GPR39: variants seen among roughly 807,000 people sequenced by gnomAD.
GPR39 encodes the protein zinc sensing receptor.
Under a neutral mutation model 18.4 loss-of-function variants are expected in GPR39, and 23 were observed. The ratio of observed to expected loss-of-function variants is 1.25; its 90% CI spans 0.90 to 1.77. The LOEUF (loss-of-function observed/expected upper bound fraction) is 1.77, where lower values mean the gene tolerates loss of function less well. Among genes scored for constraint, GPR39 ranks in the 40% most tolerant of loss-of-function variants. The probability of loss-of-function intolerance (pLI) is 0.00; values close to 1 mark genes in which losing one functional copy is unlikely to be tolerated. For synonymous variants in GPR39, 280 were observed against 257.9 expected (o/e 1.09, Z -0.82); for missense variants, 647 against 602.4 (o/e 1.07, Z -0.78).
In GPR39 at chr2:132,532,833, A is replaced by G. The variant is rs557419977; in HGVS notation, c.857-112268A>G. Among the ~76,000 whole-genome samples, 11 of 152,362 alleles carry G rather than the reference A, an allele frequency of 7.2e-5. No individual in the cohort carries two copies. The East Asian group carries it at 1.9e-3, about 27-fold the overall frequency. The stretch of plus-strand genomic sequence containing the variant: ...AAAACCCTCAATAAATTAGGTATTG[A>G]TGGGACACATCTCAAAATAATAAGA... On this transcript the variant is annotated intron_variant, in intron 1 of 1. Coordinates refer to ENST00000329321, the MANE Select transcript of GPR39 (RefSeq NM_001508.3).
intron 1 of GPR39, among the ~76,000 whole-genome samples, chr2:132,425,068 A>G (rs1433140424): frequency 2.6e-5 from 4 of 152,174 alleles, no homozygotes; most frequent in African/African-American, 9.7e-5. Context: ...CTATTGCTCA[A>G]TGGTCTATTC....
intron 1 of GPR39, among the ~76,000 whole-genome samples, chr2:132,544,807 G>A (rs1679914136): frequency 6.6e-6 from 1 of 152,130 alleles, no homozygotes; most frequent in South Asian, 2.1e-4. Context: ...ACCTGAAGTT[G>A]GGTGGTCTGT....
intron 1 of GPR39, among the ~76,000 whole-genome samples, chr2:132,456,457 T>G (rs994843108): frequency 6.6e-6 from 1 of 152,222 alleles, no homozygotes; most frequent in African/African-American, 2.4e-5. Flanking sequence ...GTCTTTTAAT[T>G]GGGGCATTTG....
In GPR39 at chr2:132,438,742, C is replaced by G. The variant is rs147173046; in HGVS notation, c.856+20844C>G. ...GTCTCAAAGTATACAATCCTTGTTTCAAGTTGAAGGTCTTCCTTAGTTCTG... is the reference window on the plus strand; with the variant it reads ...GTCTCAAAGTATACAATCCTTGTTTGAAGTTGAAGGTCTTCCTTAGTTCTG... On this transcript the variant is annotated intron_variant, in intron 1 of 1. Coordinates refer to ENST00000329321, the MANE Select transcript of GPR39 (RefSeq NM_001508.3). Among the ~76,000 whole-genome samples the G allele has an allele frequency of 2.4e-3, 367 of 152,182 alleles. 3 individuals carry two copies. The highest frequency in any genetic ancestry group is 3.6e-3 in the African/African-American group (149 of 41,518).
intron 1 of GPR39, among the ~76,000 whole-genome samples, chr2:132,546,442 GAA>G (rs1679950174): frequency 6.6e-6 from 1 of 152,190 alleles, no homozygotes; most frequent in Admixed American, 6.5e-5. Context: ...AAGGTTGCTG[GAA>G]GGGGTTGGGT....
intron 1 of GPR39, among the ~76,000 whole-genome samples, chr2:132,598,431 C>CTTTTTT (rs34104835): frequency 0.023 from 2,046 of 90,298 alleles, 130 homozygotes; most frequent in African/African-American, 0.088. Context: ...CTAAGGTGAA[C>CTTTTTT]TTTTTTTTTT....
chr2:132,520,071 T>C (rs1186906323), intron 1 of GPR39, among the ~76,000 whole-genome samples: 1 of 152,184 alleles, frequency 6.6e-6, no homozygotes, highest in Non-Finnish European at 1.5e-5. Flanking sequence ...TCCTCTCTTC[T>C]TTCCTTTTTC....
At chr2:132,628,341 A>G (rs1681589181) in intron 1 of GPR39, among the ~76,000 whole-genome samples, 3 of 152,250 alleles carry the variant, frequency 2.0e-5, no homozygotes, top group African/African-American at 7.2e-5. Flanking sequence ...ATCCTCTCCC[A>G]GACTCAGCTC....
At chr2:132,610,817 C>T (rs1681226337) in intron 1 of GPR39, among the ~76,000 whole-genome samples, 1 of 148,782 alleles carries the variant, frequency 6.7e-6, no homozygotes. Context: ...AATCTAGGAT[C>T]TTTCCACCTT....
chr2:132,532,488 C>A (rs1371865824), intron 1 of GPR39, among the ~76,000 whole-genome samples: 1 of 152,150 alleles, frequency 6.6e-6, no homozygotes, highest in South Asian at 2.1e-4. Flanking sequence ...CTCCCTAACT[C>A]ATTTTATGAG....
intron 1 of GPR39, among the ~76,000 whole-genome samples, chr2:132,512,697 C>A (rs6739409): frequency 0.41 from 62,809 of 152,084 alleles, 14,239 homozygotes; most frequent in Non-Finnish European, 0.5. Context: ...ATAAAGTACA[C>A]ACTAGTGCCT....
At chr2:132,590,175 G>A (rs1187665924) in intron 1 of GPR39, among the ~76,000 whole-genome samples, 1 of 152,166 alleles carries the variant, frequency 6.6e-6, no homozygotes, top group African/African-American at 2.4e-5. Flanking sequence ...ATGCTGCAAG[G>A]TAATGTTTAA....
intron 1 of GPR39, among the ~76,000 whole-genome samples, chr2:132,449,850 G>A (rs1259013049): frequency 6.6e-6 from 1 of 152,004 alleles, no homozygotes; most frequent in Non-Finnish European, 1.5e-5. Context: ...AGGCCCAAAG[G>A]GGTCTCACTT....
chr2:132,614,924 C>G (rs946050186), intron 1 of GPR39, among the ~76,000 whole-genome samples: 8 of 152,064 alleles, frequency 5.3e-5, no homozygotes, highest in African/African-American at 1.7e-4. Flanking sequence ...TAATCAAGAC[C>G]ACATCATCTT....
intron 1 of GPR39, among the ~76,000 whole-genome samples, chr2:132,487,569 G>T (rs1194712829): frequency 6.6e-6 from 1 of 152,114 alleles, no homozygotes; most frequent in Non-Finnish European, 1.5e-5. Context: ...GGAATATGAT[G>T]CTTTAAATGA....
At chr2:132,508,406 T>G (rs1679175165) in intron 1 of GPR39, among the ~76,000 whole-genome samples, 1 of 151,826 alleles carries the variant, frequency 6.6e-6, no homozygotes, top group African/African-American at 2.4e-5. Flanking sequence ...GAACATAGAC[T>G]TCTGTTTCTG....
chr2:132,473,176 T>C (rs1681064690), intron 1 of GPR39, among the ~76,000 whole-genome samples: 1 of 152,218 alleles, frequency 6.6e-6, no homozygotes, highest in South Asian at 2.1e-4. Context: ...GTGCTGTTCT[T>C]CTTTTGTAGT....
chr2:132,521,303 G>C (rs1346910382), intron 1 of GPR39, among the ~76,000 whole-genome samples: 2 of 152,208 alleles, frequency 1.3e-5, no homozygotes, highest in Non-Finnish European at 2.9e-5. Flanking sequence ...AGAACAAATA[G>C]ATACTGGGCG....
At chr2:132,507,446 T>C (rs1446014286) in intron 1 of GPR39, among the ~76,000 whole-genome samples, 2 of 152,192 alleles carry the variant, frequency 1.3e-5, no homozygotes, top group East Asian at 3.9e-4. Flanking sequence ...GCTCTGAGCA[T>C]TTCACTTGTG....
Sources: allele counts gnomAD v4.1 joint callset (sites outside exome capture counted in the v4.1 genomes callset), GRCh38; gene constraint gnomAD v4.1.1; transcripts MANE v1.5; gene names NCBI Gene and HGNC (gene_info 2026-07-23, HGNC 2026-07-21).